The following ZBTB20 variants were observed in gnomAD, a reference collection of about 807,000 sequenced individuals.
ZBTB20 encodes the protein zinc finger and BTB domain-containing protein 20.
In ZBTB20, 9 loss-of-function variants were observed where a neutral mutation model predicts 56.9. The ratio of observed to expected loss-of-function variants is 0.16; its 90% confidence interval spans 0.10 to 0.28. The LOEUF is 0.28. Ranked by LOEUF, ZBTB20 falls within the 10% of genes least tolerant of loss-of-function variation. The pLI is 1.00. For missense variants in ZBTB20, 655 were observed against 1,003.0 expected (o/e 0.65, Z 4.69); for synonymous variants, 417 against 420.7 (o/e 0.99, Z 0.11).
chr3:114,823,660 G>T (rs2073370111), intron 4 of ZBTB20, among the ~76,000 whole-genome samples: 1 of 152,004 alleles, frequency 6.6e-6, no homozygotes, highest in Non-Finnish European at 1.5e-5. Flanking sequence ...AACATAGCGT[G>T]AAAATTTATG....
chr3:115,116,599 G>A (rs2084025819), intron 1 of ZBTB20, among the ~76,000 whole-genome samples: 1 of 151,942 alleles, frequency 6.6e-6, no homozygotes, highest in Non-Finnish European at 1.5e-5. Context: ...AACATACAAA[G>A]TGCAAGGCTC....
intron 6 of ZBTB20, among the ~76,000 whole-genome samples, chr3:114,512,648 C>T (rs1383074000): frequency 6.6e-6 from 1 of 152,118 alleles, no homozygotes; most frequent in Non-Finnish European, 1.5e-5. Flanking sequence ...ATGAGAAACC[C>T]CTTCTCCACT....
At chr3:114,373,611 C>G (rs2083282565) in intron 10 of ZBTB20, among the ~76,000 whole-genome samples, 1 of 152,116 alleles carries the variant, frequency 6.6e-6, no homozygotes, top group Non-Finnish European at 1.5e-5. Context: ...CTTTCCACTT[C>G]AAGAGGCTCT....
At chr3:114,995,659 A>G (rs1393219400) in intron 2 of ZBTB20, among the ~76,000 whole-genome samples, 1 of 151,878 alleles carries the variant, frequency 6.6e-6, no homozygotes, top group East Asian at 1.9e-4. Context: ...TTATTTTCTC[A>G]TTTCAGTTAT....
intron 1 of ZBTB20, among the ~76,000 whole-genome samples, chr3:115,114,446 T>G (rs1560583199): frequency 6.6e-6 from 1 of 152,194 alleles, no homozygotes; most frequent in Non-Finnish European, 1.5e-5. Flanking sequence ...GTAAAATACT[T>G]TGTTGAAATT....
At chr3:114,659,425 C>T (rs971485165) in intron 6 of ZBTB20, among the ~76,000 whole-genome samples, 3 of 152,188 alleles carry the variant, frequency 2.0e-5, no homozygotes, top group East Asian at 1.9e-4. Context: ...TCTAACTTTC[C>T]GCCCTCTGAC....
intron 6 of ZBTB20, among the ~76,000 whole-genome samples, chr3:114,557,368 C>T (rs889429797): frequency 6.6e-6 from 1 of 151,898 alleles, no homozygotes; most frequent in Non-Finnish European, 1.5e-5. Context: ...TTTTTCAACT[C>T]CCATTTACAA....
At chr3:114,762,381 C>T (rs1338694643) in intron 5 of ZBTB20, among the ~76,000 whole-genome samples, 1 of 152,150 alleles carries the variant, frequency 6.6e-6, no homozygotes, top group Non-Finnish European at 1.5e-5. Flanking sequence ...TCTCCACATT[C>T]TTTCTTCTCT....
intron 5 of ZBTB20, among the ~76,000 whole-genome samples, chr3:114,769,586 T>TAA (rs1468418091): frequency 1.8e-5 from 2 of 113,888 alleles, no homozygotes; most frequent in African/African-American, 6.2e-5. Context: ...TATATATATA[T>TAA]ATATATATAT....
chr3:114,762,281 G>A (rs903371351), intron 5 of ZBTB20, among the ~76,000 whole-genome samples: 3 of 152,150 alleles, frequency 2.0e-5, no homozygotes, highest in African/African-American at 7.2e-5. Context: ...CCACCACTCA[G>A]TATAATCATA....
At chr3:115,019,168 T>C (rs2080102123) in intron 2 of ZBTB20, among the ~76,000 whole-genome samples, 3 of 151,322 alleles carry the variant, frequency 2.0e-5, no homozygotes, top group Non-Finnish European at 4.4e-5. Flanking sequence ...CCAATGTTGT[T>C]GTTACCCCTC....
chr3:114,742,392 T>C (rs1288804834), intron 5 of ZBTB20, among the ~76,000 whole-genome samples: 2 of 152,156 alleles, frequency 1.3e-5, no homozygotes, highest in Non-Finnish European at 2.9e-5. Flanking sequence ...ATATTTGTCC[T>C]CCATTTCATA....
Position 114,389,077 on chromosome 3 carries a change from T to C in ZBTB20, c.-226A>G, listed in dbSNP as rs1264437140. 2 of 152,196 alleles carry C rather than the reference T, an allele frequency of 1.3e-5. No individual in the cohort carries two copies. Among genetic ancestry groups the C allele is most frequent in the Non-Finnish European group, 2.9e-5 (2 of 68,046 alleles). 9.4% of individuals were successfully genotyped at this position (152,196 alleles called of 1,614,324 possible). A position where few individuals can be genotyped will look rare whatever the true frequency, so the allele number is the denominator to read the frequency against. On this transcript the variant is annotated 5_prime_UTR_variant, in exon 8 of 12. It removes an upstream start codon present in the reference 5' UTR. Transcript: ENST00000675478. Reference sequence around the variant, plus strand: ...GGCTTGGGCCTAGTGCAGATGTTCATTGGGGCAGGGAGCAGAGAGCGGCTG... The same window carrying C: ...GGCTTGGGCCTAGTGCAGATGTTCACTGGGGCAGGGAGCAGAGAGCGGCTG...
intron 2 of ZBTB20, among the ~76,000 whole-genome samples, chr3:114,993,107 T>C (rs2078886742): frequency 6.6e-6 from 1 of 151,954 alleles, no homozygotes; most frequent in Non-Finnish European, 1.5e-5. Flanking sequence ...GCAGATAATA[T>C]TTTAGACCCT....
chr3:114,396,567 C>A lies in ZBTB20; in HGVS notation c.-254-7462G>T, dbSNP rs571188721. ...CAGGAAAGGTACAGTTATTGGTCAT[C>A]AGTCATGAAGGCAGAGGGTAGCAAA... On this transcript the variant is annotated intron_variant, in intron 7 of 11. Coordinates refer to ENST00000675478, the MANE Select transcript of ZBTB20 (RefSeq NM_001348800.3). 1.2e-4 allele frequency among the ~76,000 whole-genome samples: 19 copies of A among 152,220 alleles called. No homozygotes were observed. The South Asian group carries it at 3.3e-3, about 27-fold the overall frequency.
At chr3:114,959,121 C>T (rs1315832898) in intron 3 of ZBTB20, among the ~76,000 whole-genome samples, 2 of 152,092 alleles carry the variant, frequency 1.3e-5, no homozygotes, top group Non-Finnish European at 2.9e-5. Flanking sequence ...CTCACTTCCC[C>T]TAATGAGCAC....
At chr3:114,761,348 C>A (rs1407757210) in intron 5 of ZBTB20, among the ~76,000 whole-genome samples, 1 of 151,914 alleles carries the variant, frequency 6.6e-6, no homozygotes, top group Non-Finnish European at 1.5e-5. Context: ...ATTTAATTCC[C>A]ACAGTAACAT....
At chr3:115,094,155 T>C (rs1019349128) in intron 1 of ZBTB20, among the ~76,000 whole-genome samples, 3 of 151,976 alleles carry the variant, frequency 2.0e-5, no homozygotes, top group African/African-American at 7.2e-5. Flanking sequence ...TTTGGAGAAC[T>C]AGAGAAAGTA....
At chr3:115,103,600 C>G (rs918352150) in intron 1 of ZBTB20, among the ~76,000 whole-genome samples, 2 of 152,124 alleles carry the variant, frequency 1.3e-5, no homozygotes. Context: ...TACAATGGAG[C>G]AAAGACAGTA....
Sources: gnomAD v4.1 joint callset for allele counts (sites outside exome capture counted in the v4.1 genomes callset) on GRCh38, gnomAD v4.1.1 for gene constraint, MANE v1.5 for transcripts, NCBI Gene and HGNC (gene_info 2026-07-23, HGNC 2026-07-21) for gene names.